The following TBC1D24 variants were observed in gnomAD, a reference collection of about 807,000 sequenced individuals.
TBC1D24 encodes TBC1 domain family member 24.
In TBC1D24, 47 loss-of-function variants were observed where a neutral mutation model predicts 50.7. The observed-to-expected ratio is 0.93, with a 90% confidence interval of 0.73 to 1.18. TBC1D24 has a LOEUF of 1.18. TBC1D24 is among the 50% of genes most tolerant of loss of function. The probability of loss-of-function intolerance (pLI) is 0.00; values close to 1 mark genes in which losing one functional copy is unlikely to be tolerated. For missense variants in TBC1D24, 688 were observed against 766.5 expected (o/e 0.90, Z 1.21); for synonymous variants, 324 against 335.2 (o/e 0.97, Z 0.36).
chr16:2,500,651 C>T lies in TBC1D24; in HGVS notation c.1526-153C>T, dbSNP rs920325865. 1.3e-5 allele frequency among the ~76,000 whole-genome samples: 2 copies of T among 152,132 alleles called. No individual in the cohort carries two copies. On this transcript the variant is annotated intron_variant, in intron 7 of 7. Transcript: ENST00000646147. This position sits in a 1 kb window ranked among gnomAD's most constrained non-coding sequence, Gnocchi z 8.0. ...GAGGGGGCTGGAAGGGAGAGACCAG[C>T]CTGGACAGCTGGTCCTGGGGGCTAT...
At position 2,500,379 on chromosome 16, in the gene TBC1D24, T is replaced by G. The variant is rs1455088890; in HGVS notation, c.1414T>G (p.Ser472Ala). The G allele has an allele frequency of 1.3e-5, 21 of 1,606,990 alleles. No homozygotes were observed. Among genetic ancestry groups the G allele is most frequent in the Non-Finnish European group, 1.8e-5 (21 of 1,177,476 alleles). ...CACCGCCCCACTCAGCCACTCCGCC[T>G]CCTCAGACCCCGCTGACCGCCTCTC... is the stretch of plus-strand genomic sequence containing the variant. Reference protein sequence around the residue: ...EPTAPLSHSASSDPADRLSPF... With the variant: ...EPTAPLSHSAASDPADRLSPF... The change falls in exon 7 of 8, where the codon TCC (serine) becomes GCC (alanine). Residue 472 changes from serine to alanine, a missense_variant. Transcript: ENST00000646147. The surrounding 1 kb of genome is among the most constrained non-coding windows in gnomAD (Gnocchi z 8.0).
intron 1 of TBC1D24, 39 bp from the exon 2 acceptor site, chr16:2,495,995 T>C (rs1031770833): frequency 1.0e-6 from 1 of 961,566 alleles, no homozygotes; most frequent in Non-Finnish European, 1.6e-6. Context: ...ATGTGAACCT[T>C]GAAACACAGA....
chr16:2,498,443 G>A (rs755856614), intron 4 of TBC1D24, 47 bp downstream of exon 4: 61 of 1,552,100 alleles, frequency 3.9e-5, no homozygotes, highest in Middle Eastern at 4.4e-4. Flanking sequence ...GCCCAGCCAC[G>A]TGTCCTGCCC....
chr16:2,494,312 T>C (rs1248163903), intron 1 of TBC1D24, among the ~76,000 whole-genome samples: 1 of 151,212 alleles, frequency 6.6e-6, no homozygotes, highest in African/African-American at 2.4e-5. Flanking sequence ...CTCAGGAGGC[T>C]GAGGCAGGAG....
In TBC1D24 at chr16:2,501,211, G is replaced by C. The variant is rs1279401619; in HGVS notation, c.*253G>C. On this transcript the variant is annotated 3_prime_UTR_variant, in exon 8 of 8. Coordinates refer to ENST00000646147, the MANE Select transcript of TBC1D24 (RefSeq NM_001199107.2). ...TGTGCCCCCAGCCCCACCCAGAGCT[G>C]GCATAGGAAGTACCTTCCTCCTCCG... 1 of 575,792 alleles carries C rather than the reference G, an allele frequency of 1.7e-6. No homozygotes were observed. Among genetic ancestry groups the C allele is most frequent in the Non-Finnish European group, 3.1e-6 (1 of 321,948 alleles). 35.7% of individuals were successfully genotyped at this position (575,792 alleles called of 1,614,324 possible).
rs746087403 is a variant in TBC1D24, at chr16:2,496,212, C to T, written c.64C>T (p.Leu22=). The part of the protein sequence containing the change: ...KDKMDAAIQD[L]GPKELSCTEL... ...CAAGATGGACGCTGCCATCCAGGAC[C>T]TGGGGCCCAAGGAGCTGAGCTGCAC... The change falls in exon 2 of 8, where the codon CTG becomes TTG. Residue 22 remains leucine (L), a synonymous_variant. Coordinates refer to ENST00000646147, the MANE Select transcript of TBC1D24 (RefSeq NM_001199107.2). 5.6e-6 allele frequency: 9 copies of T among 1,613,848 alleles called. No individual in the cohort carries two copies. In the Admixed American group the frequency reaches 1.2e-4, roughly 21 times the overall value.
chr16:2,475,167 G>A lies in TBC1D24; in HGVS notation c.-119G>A, dbSNP rs1230756942. The A allele has an allele frequency of 2.0e-5, 3 of 150,194 alleles. No individual in the cohort carries two copies. Among genetic ancestry groups the A allele is most frequent in the Admixed American group, 6.7e-5 (1 of 15,030 alleles). 9.3% of individuals were successfully genotyped at this position (150,194 alleles called of 1,614,324 possible). A position where few individuals can be genotyped will look rare whatever the true frequency, so the allele number is the denominator to read the frequency against. Reference sequence around the variant, plus strand: ...GCAGGCTGAGGAGAAAGCGGCGCGCGGAGGTGGGTGCGCTCGGGGCGTGCG... The same window carrying A: ...GCAGGCTGAGGAGAAAGCGGCGCGCAGAGGTGGGTGCGCTCGGGGCGTGCG... On this transcript the variant is annotated 5_prime_UTR_variant, in exon 1 of 8. Transcript: ENST00000646147. This position sits in a 1 kb window ranked among gnomAD's most constrained non-coding sequence, Gnocchi z 4.2.
In TBC1D24 at chr16:2,485,008, C is replaced by G. The variant is rs1303054692; in HGVS notation, c.-116+9838C>G. ...CATGCCTGCCATCCACACCCCGCTC[C>G]AGGTCTGCTTTTAGGCCCCAGTCCC... On this transcript the variant is annotated intron_variant, in intron 1 of 7. Transcript: ENST00000646147. This position sits in a 1 kb window ranked among gnomAD's most constrained non-coding sequence, Gnocchi z 4.6. 1 of 152,210 alleles carries G rather than the reference C, an allele frequency of 6.6e-6. No homozygotes were observed. 9.4% of individuals were successfully genotyped at this position (152,210 alleles called of 1,614,324 possible).
intron 3 of TBC1D24, 45 bp from the exon 4 acceptor site, chr16:2,498,193 C>T (rs1231840924): frequency 6.4e-7 from 1 of 1,557,266 alleles, no homozygotes; most frequent in Admixed American, 1.9e-5. Flanking sequence ...CATGGCCTGG[C>T]CCCAGACGTG....
At position 2,496,491 on chromosome 16, in the gene TBC1D24, C is replaced by G. The variant is rs372531999; in HGVS notation, c.343C>G (p.Arg115Gly). 6.2e-7 allele frequency: 1 copy of G among 1,609,972 alleles called. No individual in the cohort carries two copies. Among genetic ancestry groups the G allele is most frequent in the Non-Finnish European group, 8.5e-7 (1 of 1,179,908 alleles). ...GAATGCACGCGGCGAGGGGGCCGTG[C>G]GCAAGATCCTCCTGTGCCTGGCCAA... Reference protein sequence around the residue: ...CLNARGEGAVRKILLCLANQF... With the variant: ...CLNARGEGAVGKILLCLANQF... The change falls in exon 2 of 8, where the codon CGC becomes GGC. Residue 115 changes from arginine to glycine, a missense_variant. Coordinates refer to ENST00000646147, the MANE Select transcript of TBC1D24 (RefSeq NM_001199107.2).
At position 2,482,637 on chromosome 16, in the gene TBC1D24, G is replaced by A. The variant is rs1454688534; in HGVS notation, c.-116+7467G>A. 6.6e-6 allele frequency among the ~76,000 whole-genome samples: 1 copy of A among 152,212 alleles called. No homozygotes were observed. The highest frequency in any genetic ancestry group is 6.5e-5 in the Admixed American group (1 of 15,288). On this transcript the variant is annotated intron_variant, in intron 1 of 7. Coordinates refer to ENST00000646147, the MANE Select transcript of TBC1D24 (RefSeq NM_001199107.2). This position sits in a 1 kb window ranked among gnomAD's most constrained non-coding sequence, Gnocchi z 5.2. ...GAACGGTGACCGGGTGAAGCCCTGA[G>A]TGGGCAGGAGGCTGGGAGTGGGAGC...
chr16:2,487,601 G>GGTGCTGGAGTTTT lies in TBC1D24; in HGVS notation c.-115-8420_-115-8408dup, dbSNP rs1258253260. ...ACTCAGGCTGTCAGGCCTGGAGTTT[G>GGTGCTGGAGTTTT]GTGCTGGAGTTTTGTGCTGGAGTTT... On this transcript the variant is annotated intron_variant, in intron 1 of 7. Coordinates refer to ENST00000646147, the MANE Select transcript of TBC1D24 (RefSeq NM_001199107.2). This position sits in a 1 kb window ranked among gnomAD's most constrained non-coding sequence, Gnocchi z 4.1. Among the ~76,000 whole-genome samples, 6 of 151,930 alleles carry GGTGCTGGAGTTTT rather than the reference G, an allele frequency of 3.9e-5. No individual in the cohort carries two copies. The highest frequency in any genetic ancestry group is 3.3e-4 in the Admixed American group (5 of 15,262).
In TBC1D24 at chr16:2,496,342, G is replaced by A. The variant is rs878853232; in HGVS notation, c.194G>A (p.Arg65His). Reference protein sequence around the residue: ...YQRLIRDIPCRTVTPDASVYS... With the variant: ...YQRLIRDIPCHTVTPDASVYS... Reference sequence around the variant, plus strand: ...CGCCTGATCCGGGACATTCCCTGCCGCACGGTCACGCCTGACGCCAGCGTG... The same window carrying A: ...CGCCTGATCCGGGACATTCCCTGCCACACGGTCACGCCTGACGCCAGCGTG... Residue 65 changes from arginine to histidine, a missense_variant, in exon 2 of 8, where the codon CGC becomes CAC. By Grantham distance (29) the Arg-to-His change is conservative. Coordinates refer to ENST00000646147, the MANE Select transcript of TBC1D24 (RefSeq NM_001199107.2). 12 of 1,613,390 alleles carry A rather than the reference G, an allele frequency of 7.4e-6. No homozygotes were observed. Among genetic ancestry groups the A allele is most frequent in the South Asian group, 2.2e-5 (2 of 91,088 alleles).
At position 2,500,040 on chromosome 16, in the gene TBC1D24, C is replaced by G; in HGVS notation, c.1302+110C>G. ...TGTTGGGTGTCGCCATGGCAGTCAC[C>G]CAGCAGCGTCATCGCCCTGTGTGCT... On this transcript the variant is annotated intron_variant, in intron 6 of 7. Transcript: ENST00000646147. This position sits in a 1 kb window ranked among gnomAD's most constrained non-coding sequence, Gnocchi z 8.0. The G allele has an allele frequency of 9.3e-7, 1 of 1,071,440 alleles. No individual in the cohort carries two copies. The highest frequency in any genetic ancestry group is 1.8e-5 in the Admixed American group (1 of 57,042). The allele number at this position is 1,071,440 out of a possible 1,614,324, so 66.4% of individuals were successfully genotyped here. A position where few individuals can be genotyped will look rare whatever the true frequency, so the allele number is the denominator to read the frequency against.
Position 2,500,314 on chromosome 16 carries a change from C to G in TBC1D24, c.1349C>G (p.Pro450Arg). Residue 450 changes from proline to arginine, a missense_variant, in exon 7 of 8, where the codon CCC (proline) becomes CGC (arginine). Coordinates refer to ENST00000646147, the MANE Select transcript of TBC1D24 (RefSeq NM_001199107.2). The surrounding 1 kb of genome is among the most constrained non-coding windows in gnomAD (Gnocchi z 8.0). ...QRYEWVVIKHPELTKPPPLMA... is the reference protein window; with the variant it reads ...QRYEWVVIKHRELTKPPPLMA... ...TACGAGTGGGTGGTGATCAAGCACC[C>G]CGAGCTGACCAAGCCCCCACCCTTG... 6.2e-7 allele frequency: 1 copy of G among 1,610,936 alleles called. No individual in the cohort carries two copies. Among genetic ancestry groups the G allele is most frequent in the Non-Finnish European group, 8.5e-7 (1 of 1,179,214 alleles).
In TBC1D24 at chr16:2,499,554, G is replaced by A. The variant is rs1324218437; in HGVS notation, c.1206+134G>A. The A allele has an allele frequency of 1.3e-5, 11 of 834,136 alleles. 1 individual carries two copies. Among genetic ancestry groups the A allele is most frequent in the East Asian group, 1.1e-4 (4 of 37,868 alleles). 51.7% of individuals were successfully genotyped at this position (834,136 alleles called of 1,614,324 possible). The stretch of plus-strand genomic sequence containing the variant: ...AGATCCAGAGTCAGAGCGTGGGTAT[G>A]GCCAGCACATGGGGCTCATCCCACA... On this transcript the variant is annotated intron_variant, in intron 5 of 7. Coordinates refer to ENST00000646147, the MANE Select transcript of TBC1D24 (RefSeq NM_001199107.2). The surrounding 1 kb of genome is among the most constrained non-coding windows in gnomAD (Gnocchi z 4.0).
At chr16:2,490,352 G>A (rs956049801) in intron 1 of TBC1D24, among the ~76,000 whole-genome samples, 1 of 152,210 alleles carries the variant, frequency 6.6e-6, no homozygotes, top group Non-Finnish European at 1.5e-5. Context: ...GAGAACCAGC[G>A]CCACCTCACT....
chr16:2,478,121 T>A (rs938954165), intron 1 of TBC1D24: 2 of 152,230 alleles, frequency 1.3e-5, no homozygotes, highest in Non-Finnish European at 2.9e-5. Context: ...GTTGAGGGAC[T>A]GTCATGGCAC....
Position 2,503,741 on chromosome 16 carries a change from G to T in TBC1D24, c.*2783G>T, listed in dbSNP as rs1410416987. On this transcript the variant is annotated 3_prime_UTR_variant, in exon 8 of 8. Coordinates refer to ENST00000646147, the MANE Select transcript of TBC1D24 (RefSeq NM_001199107.2). ...CAGCTAAATTTTTTTTGTATTTTTA[G>T]TAGAGGCAGGGTTTCACTGTGTTGG... 1 of 151,916 alleles carries T rather than the reference G, an allele frequency of 6.6e-6. No homozygotes were observed. Among genetic ancestry groups the T allele is most frequent in the African/African-American group, 2.4e-5 (1 of 41,322 alleles). 9.4% of individuals were successfully genotyped at this position (151,916 alleles called of 1,614,324 possible).
Sources: allele counts gnomAD v4.1 joint callset (sites outside exome capture counted in the v4.1 genomes callset), GRCh38; gene constraint gnomAD v4.1.1; non-coding constraint Gnocchi (gnomAD v3.1); transcripts MANE v1.5; gene names NCBI Gene and HGNC (gene_info 2026-07-23, HGNC 2026-07-21).